TTC39C: variants seen among roughly 807,000 people sequenced by gnomAD.
The protein encoded by TTC39C is tetratricopeptide repeat domain 39C.
Under a neutral mutation model 76.3 loss-of-function variants are expected in TTC39C, and 33 were observed. The ratio of observed to expected loss-of-function variants is 0.43; its 90% confidence interval spans 0.33 to 0.58. TTC39C has a LOEUF of 0.58. Ranked by LOEUF, TTC39C falls within the 20% of genes least tolerant of loss-of-function variation. The probability of loss-of-function intolerance (pLI) is 0.04; values close to 1 mark genes in which losing one functional copy is unlikely to be tolerated. For synonymous variants in TTC39C, 254 were observed against 260.6 expected (o/e 0.97, Z 0.24); for missense variants, 595 against 701.4 (o/e 0.85, Z 1.71).
rs377634811 is a variant in TTC39C at position 24,099,974 on chromosome 18, C to G, written c.985-14580C>G. Among the ~76,000 whole-genome samples the G allele has an allele frequency of 2.0e-5, 3 of 151,896 alleles. No homozygotes were observed. The South Asian group carries it at 6.2e-4, about 31-fold the overall frequency. ...GTGTTTTCTTAATTTTATGATTAAGCTTTTGGATTATCATATTGGTTTTGA... is the reference window on the plus strand; with the variant it reads ...GTGTTTTCTTAATTTTATGATTAAGGTTTTGGATTATCATATTGGTTTTGA... On this transcript the variant is annotated intron_variant, in intron 6 of 13. Transcript: ENST00000317571.
At chr18:24,083,794 G>T (rs1309595015) in intron 6 of TTC39C, among the ~76,000 whole-genome samples, 1 of 152,140 alleles carries the variant, frequency 6.6e-6, no homozygotes, top group African/African-American at 2.4e-5. Flanking sequence ...CTTGTTTGAG[G>T]TTATGAGGAT....
At chr18:24,079,255 A>G (rs1016716070) in intron 4 of TTC39C, among the ~76,000 whole-genome samples, 3 of 152,168 alleles carry the variant, frequency 2.0e-5, no homozygotes, top group Non-Finnish European at 2.9e-5. Flanking sequence ...TGAGATGATG[A>G]TGCACTCAGA....
intron 1 of TTC39C, among the ~76,000 whole-genome samples, chr18:24,043,652 A>G (rs2083825368): frequency 6.6e-6 from 1 of 152,128 alleles, no homozygotes; most frequent in Non-Finnish European, 1.5e-5. Flanking sequence ...GTTTCCTGCT[A>G]TCCCACATTC....
chr18:24,127,121 A>C (rs1157071127), intron 10 of TTC39C, among the ~76,000 whole-genome samples: 1 of 152,236 alleles, frequency 6.6e-6, no homozygotes, highest in Non-Finnish European at 1.5e-5. Context: ...GGGAAGACAG[A>C]CAGTATCTGA....
chr18:24,033,833 C>A (rs993965298), intron 1 of TTC39C, among the ~76,000 whole-genome samples: 5 of 152,212 alleles, frequency 3.3e-5, no homozygotes, highest in Non-Finnish European at 5.9e-5. Flanking sequence ...TCACAGACAG[C>A]AAAGAGTGTC....
intron 6 of TTC39C, among the ~76,000 whole-genome samples, chr18:24,088,820 T>C (rs1388033174): frequency 6.6e-6 from 1 of 152,208 alleles, no homozygotes; most frequent in Non-Finnish European, 1.5e-5. Flanking sequence ...CCCCTCATTT[T>C]CAATTCCCTA....
intron 11 of TTC39C, among the ~76,000 whole-genome samples, chr18:24,129,345 C>T (rs1239923294): frequency 6.6e-6 from 1 of 152,186 alleles, no homozygotes; most frequent in Non-Finnish European, 1.5e-5. Context: ...TGTCAGTGTG[C>T]ATTCAGTTTT....
At chr18:24,022,517 A>C in intron 1 of TTC39C, 3 of 976,372 alleles carry the variant, frequency 3.1e-6, no homozygotes, top group Non-Finnish European at 3.7e-6. Context: ...GGGTGTGACC[A>C]TGTGCTATCT....
At chr18:24,024,874 T>G (rs1025523779) in intron 1 of TTC39C, among the ~76,000 whole-genome samples, 2 of 152,184 alleles carry the variant, frequency 1.3e-5, no homozygotes, top group Non-Finnish European at 2.9e-5. Flanking sequence ...TTTTGTTTGT[T>G]TTTGTTTGTT....
intron 8 of TTC39C, among the ~76,000 whole-genome samples, chr18:24,120,624 A>G (rs374273144): frequency 6.6e-6 from 1 of 152,148 alleles, no homozygotes; most frequent in East Asian, 1.9e-4. Flanking sequence ...ATTGTTTTGC[A>G]AACATCACCA....
In TTC39C at chr18:24,014,791, A is replaced by G. The variant is rs2083429140; in HGVS notation, c.-81A>G. On this transcript the variant is annotated 5_prime_UTR_variant, in exon 1 of 14. Coordinates refer to ENST00000317571, the MANE Select transcript of TTC39C (RefSeq NM_001135993.2). ...CGGCTCCGCTTGGCTCCGGGCAGGT[A>G]GAGCCGGGCTCCGGGCGCGCGCGGG... 6.0e-6 allele frequency: 7 copies of G among 1,168,972 alleles called. No homozygotes were observed. Among genetic ancestry groups the G allele is most frequent in the Non-Finnish European group, 6.3e-6 (6 of 945,360 alleles). The allele number at this position is 1,168,972 out of a possible 1,614,324, so 72.4% of individuals were successfully genotyped here. A position where few individuals can be genotyped will look rare whatever the true frequency, so the allele number is the denominator to read the frequency against.
chr18:24,080,482 C>T (rs930221781), intron 4 of TTC39C, 103 bp from the exon 5 acceptor site: 72 of 834,244 alleles, frequency 8.6e-5, no homozygotes, highest in Non-Finnish European at 1.2e-4. Context: ...ATGTTTTTTA[C>T]ATTTTTGGCT....
chr18:24,023,104 C>T (rs1010867103), intron 1 of TTC39C, among the ~76,000 whole-genome samples: 2 of 152,142 alleles, frequency 1.3e-5, no homozygotes, highest in African/African-American at 4.8e-5. Context: ...CATAGCAGCT[C>T]CCCTTTATTT....
At chr18:24,131,208 C>CAAA (rs35276530) in intron 12 of TTC39C, among the ~76,000 whole-genome samples, 3 of 119,498 alleles carry the variant, frequency 2.5e-5, no homozygotes, top group Admixed American at 8.7e-5. Context: ...GACCCTGTCT[C>CAAA]AAAAAAAAAA....
intron 1 of TTC39C, among the ~76,000 whole-genome samples, chr18:24,044,413 A>G (rs942662871): frequency 6.6e-6 from 1 of 152,136 alleles, no homozygotes; most frequent in Non-Finnish European, 1.5e-5. Flanking sequence ...GTTTGCTGTG[A>G]TGCACAGTGC....
At chr18:24,062,126 G>A (rs1369585479) in intron 1 of TTC39C, among the ~76,000 whole-genome samples, 2 of 152,180 alleles carry the variant, frequency 1.3e-5, no homozygotes, top group African/African-American at 4.8e-5. Flanking sequence ...TGATAAGATG[G>A]TAGGTGAAGT....
chr18:24,019,820 C>T (rs1267323121), intron 1 of TTC39C: 6 of 1,486,242 alleles, frequency 4.0e-6, no homozygotes, highest in Middle Eastern at 1.7e-4. Context: ...GACCATATGG[C>T]ATGCAAAGCC....
In TTC39C at chr18:24,020,132, G is replaced by A. The variant is rs2083501638; in HGVS notation, c.167+5094G>A. The A allele has an allele frequency of 1.7e-5, 22 of 1,262,318 alleles. No homozygotes were observed. In the South Asian group the frequency reaches 4.2e-4, roughly 24 times the overall value. The allele number at this position is 1,262,318 out of a possible 1,614,324, so 78.2% of individuals were successfully genotyped here. On this transcript the variant is annotated intron_variant, in intron 1 of 13. Coordinates refer to ENST00000317571, the MANE Select transcript of TTC39C (RefSeq NM_001135993.2). The stretch of plus-strand genomic sequence containing the variant: ...AGAAAAGGAGAAGAAATGAAAAGCA[G>A]AAATGGTTTAAGGGAACTGGCGGGA...
Position 24,014,906 on chromosome 18 carries a change from G to A in TTC39C, c.35G>A (p.Arg12Gln), listed in dbSNP as rs552231190. The change falls in exon 1 of 14, where the codon CGG (arginine) becomes CAG (glutamine). Residue 12 changes from arginine (R) to glutamine (Q), a missense_variant. Transcript: ENST00000317571. ...AGSEQQRPRR[R>Q]DDGDSDAAAA... ...TCGGAGCAGCAGCGGCCGCGGCGGC[G>A]GGACGACGGAGACTCGGACGCGGCA... The A allele has an allele frequency of 2.0e-5, 30 of 1,499,370 alleles. No individual in the cohort carries two copies. Among genetic ancestry groups the A allele is most frequent in the Non-Finnish European group, 2.4e-5 (27 of 1,125,518 alleles). The allele number at this position is 1,499,370 out of a possible 1,614,324, so 92.9% of individuals were successfully genotyped here.
Sources: allele counts gnomAD v4.1 joint callset (sites outside exome capture counted in the v4.1 genomes callset), GRCh38; gene constraint gnomAD v4.1.1; transcripts MANE v1.5; gene names NCBI Gene and HGNC (gene_info 2026-07-23, HGNC 2026-07-21).